The following CADPS variants were observed in gnomAD, a reference collection of about 807,000 sequenced individuals.
CADPS encodes calcium dependent secretion activator, also known as calcium-dependent secretion activator 1.
In CADPS, 57 loss-of-function variants were observed where a neutral mutation model predicts 167.3. That is an observed-to-expected ratio of 0.34 (90% confidence interval 0.28 to 0.42). The LOEUF (loss-of-function observed/expected upper bound fraction) is 0.42, where lower values mean the gene tolerates loss of function less well. Ranked by LOEUF, CADPS falls within the 20% of genes least tolerant of loss-of-function variation. The probability of loss-of-function intolerance (pLI) is 1.00; values close to 1 mark genes in which losing one functional copy is unlikely to be tolerated. For synonymous variants in CADPS, 676 were observed against 635.3 expected, an observed-to-expected ratio of 1.06 and a Z score of -0.96; for missense variants, 1,414 against 1,738.1, an observed-to-expected ratio of 0.81 and a Z score of 3.32.
rs547603837 is a variant in CADPS, at chr3:62,412,293, C to T, written c.3778-9108G>A. Among the ~76,000 whole-genome samples the T allele has an allele frequency of 8.3e-5, 12 of 144,570 alleles. No homozygotes were observed. Among genetic ancestry groups the T allele is most frequent in the South Asian group, 7.0e-4 (3 of 4,278 alleles). 94.8% of individuals were successfully genotyped at this position (144,570 alleles called of 152,430 possible). ...CGGCAGCTCCCTGAGGACTCACTGA[C>T]GGAGGAGTCTGAGACAACGTGCTAC... On this transcript the variant is annotated intron_variant, in intron 28 of 29. Coordinates refer to ENST00000383710, the MANE Select transcript of CADPS (RefSeq NM_003716.4). This position sits in a 1 kb window ranked among gnomAD's most constrained non-coding sequence, Gnocchi z 4.1.
At chr3:62,771,958 G>A (rs746944677) in intron 1 of CADPS, among the ~76,000 whole-genome samples, 5 of 152,182 alleles carry the variant, frequency 3.3e-5, no homozygotes, top group African/African-American at 4.8e-5. Context: ...CAAGTCACAT[G>A]CTAGCTTTGC....
intron 3 of CADPS, among the ~76,000 whole-genome samples, 181 bp from the exon 4 acceptor site, chr3:62,662,575 C>G (rs963777607): frequency 2.6e-5 from 4 of 152,098 alleles, no homozygotes; most frequent in Admixed American, 2.0e-4. Flanking sequence ...CTAGACAGAG[C>G]GTGATATGGT....
intron 1 of CADPS, among the ~76,000 whole-genome samples, chr3:62,862,693 C>T (rs1265049668): frequency 6.6e-6 from 1 of 152,178 alleles, no homozygotes; most frequent in Non-Finnish European, 1.5e-5. Context: ...GGTGGACCCT[C>T]TAAAAGCGTG....
At chr3:62,775,911 C>T (rs2090163367) in intron 1 of CADPS, among the ~76,000 whole-genome samples, 1 of 152,110 alleles carries the variant, frequency 6.6e-6, no homozygotes, top group African/African-American at 2.4e-5. Context: ...CGTTTTTAAG[C>T]AGGAAGTACA....
At chr3:62,847,989 T>C (rs377480224) in intron 1 of CADPS, among the ~76,000 whole-genome samples, 1,845 of 87,694 alleles carry the variant, frequency 0.021, 37 homozygotes, top group Middle Eastern at 0.06. Context: ...TGTGAGATGA[T>C]ATCTCATAGT....
chr3:62,864,123 C>T (rs1181139835), intron 1 of CADPS, among the ~76,000 whole-genome samples: 1 of 152,160 alleles, frequency 6.6e-6, no homozygotes, highest in Non-Finnish European at 1.5e-5. Flanking sequence ...GAAGACTTTC[C>T]TAGCAGAAGA....
chr3:62,823,338 A>T (rs1264590624), intron 1 of CADPS, among the ~76,000 whole-genome samples: 2 of 152,204 alleles, frequency 1.3e-5, no homozygotes, highest in Non-Finnish European at 2.9e-5. Context: ...TTAGGCATAC[A>T]GTGCTGCAAT....
chr3:62,487,102 G>T (rs1440693958), intron 21 of CADPS, among the ~76,000 whole-genome samples: 1 of 152,188 alleles, frequency 6.6e-6, no homozygotes, highest in Admixed American at 6.5e-5. Context: ...CCAGAGTTAA[G>T]TTCTGGCTCT....
At chr3:62,772,528 A>G (rs2089161144) in intron 1 of CADPS, among the ~76,000 whole-genome samples, 1 of 152,196 alleles carries the variant, frequency 6.6e-6, no homozygotes, top group South Asian at 2.1e-4. Context: ...AAAGGCTAAG[A>G]GCATCGCAGA....
At chr3:62,627,726 A>G (rs1404245751) in intron 6 of CADPS, among the ~76,000 whole-genome samples, 2 of 34,504 alleles carry the variant, frequency 5.8e-5, no homozygotes, top group African/African-American at 9.1e-5. Context: ...TAACCTGTGA[A>G]GTTCTGGTAA....
Position 62,544,207 on chromosome 3 carries a change from T to G in CADPS, c.1966+5696A>C, listed in dbSNP as rs1202093012. Among the ~76,000 whole-genome samples, 1 of 152,140 alleles carries G rather than the reference T, an allele frequency of 6.6e-6. No individual in the cohort carries two copies. Among genetic ancestry groups the G allele is most frequent in the Non-Finnish European group, 1.5e-5 (1 of 68,010 alleles). On this transcript the variant is annotated intron_variant, in intron 11 of 29. Coordinates refer to ENST00000383710, the MANE Select transcript of CADPS (RefSeq NM_003716.4). This position sits in a 1 kb window ranked among gnomAD's most constrained non-coding sequence, Gnocchi z 4.4. ...GTAGCTCTCCTTTCAAAATTAATCC[T>G]CTATTGGGTCTTACATTAGAGCACA... is the stretch of plus-strand genomic sequence containing the variant.
At chr3:62,556,197 T>G (rs941616849) in intron 10 of CADPS, among the ~76,000 whole-genome samples, 1 of 152,144 alleles carries the variant, frequency 6.6e-6, no homozygotes, top group African/African-American at 2.4e-5. Flanking sequence ...TGCATGAAAT[T>G]GTTTGTTTCA....
In CADPS at chr3:62,844,330, T is replaced by C. The variant is rs115762609; in HGVS notation, c.441+30259A>G. ...AATGGGAAACAGTAAAACCATCTGG[T>C]TGAGAACAAGAATTCAGGCTGGAAT... On this transcript the variant is annotated intron_variant, in intron 1 of 29. Coordinates refer to ENST00000383710, the MANE Select transcript of CADPS (RefSeq NM_003716.4). 3.5e-3 allele frequency among the ~76,000 whole-genome samples: 534 copies of C among 152,274 alleles called. 1 individual carries two copies. Among genetic ancestry groups the C allele is most frequent in the Non-Finnish European group, 5.3e-3 (359 of 68,018 alleles).
Position 62,419,542 on chromosome 3 carries a change from C to T in CADPS, c.3778-16357G>A, listed in dbSNP as rs2050869358. 2.0e-5 allele frequency among the ~76,000 whole-genome samples: 3 copies of T among 152,136 alleles called. No individual in the cohort carries two copies. The South Asian group carries it at 6.2e-4, about 32-fold the overall frequency. ...CAGTTTTGGTGGCACATCCTACCAC[C>T]CATTATCCTTGTGAGCAGTGCGAAT... On this transcript the variant is annotated intron_variant, in intron 28 of 29. Coordinates refer to ENST00000383710, the MANE Select transcript of CADPS (RefSeq NM_003716.4).
intron 1 of CADPS, among the ~76,000 whole-genome samples, chr3:62,830,558 C>T (rs2074896452): frequency 6.6e-6 from 1 of 152,114 alleles, no homozygotes; most frequent in Non-Finnish European, 1.5e-5. Context: ...GGGATAATGG[C>T]TACAGGTGCT....
At chr3:62,593,393 G>T (rs903153475) in intron 6 of CADPS, among the ~76,000 whole-genome samples, 1 of 152,188 alleles carries the variant, frequency 6.6e-6, no homozygotes, top group Non-Finnish European at 1.5e-5. Context: ...CCAAAATCTG[G>T]GTAGAGCACC....
intron 10 of CADPS, 148 bp downstream of exon 10, chr3:62,557,257 G>A: frequency 1.6e-6 from 1 of 622,408 alleles, no homozygotes; most frequent in Non-Finnish European, 2.9e-6. Flanking sequence ...ATAATATCAG[G>A]GATTGTGACT....
intron 26 of CADPS, among the ~76,000 whole-genome samples, chr3:62,447,144 G>A (rs1354733620): frequency 6.6e-6 from 1 of 152,150 alleles, no homozygotes; most frequent in Non-Finnish European, 1.5e-5. Flanking sequence ...GCCAGAACTC[G>A]TTGACCCTGG....
At chr3:62,616,649 A>G (rs1179436773) in intron 6 of CADPS, among the ~76,000 whole-genome samples, 1 of 152,174 alleles carries the variant, frequency 6.6e-6, no homozygotes, top group Non-Finnish European at 1.5e-5. Flanking sequence ...CAACAGTAAC[A>G]TGTATTAAAT....
Sources: allele counts gnomAD v4.1 joint callset (sites outside exome capture counted in the v4.1 genomes callset), GRCh38; gene constraint gnomAD v4.1.1; non-coding constraint Gnocchi (gnomAD v3.1); transcripts MANE v1.5; gene names NCBI Gene and HGNC (gene_info 2026-07-23, HGNC 2026-07-21).